The following ARSJ variants were observed in gnomAD, a reference collection of about 807,000 sequenced individuals.
ARSJ encodes the protein arylsulfatase J.
A neutral mutation model predicts 35.9 loss-of-function variants in ARSJ; 26 were observed. The observed-to-expected ratio is 0.72, with a 90% CI of 0.53 to 1.00. ARSJ has a LOEUF of 1.00. Among genes scored for constraint, ARSJ ranks in the 50% least tolerant of loss-of-function variants. The pLI, the probability that ARSJ is intolerant of heterozygous loss-of-function variation, is 0.00. For missense variants in ARSJ, 667 were observed against 723.6 expected (o/e 0.92, Z 0.90); for synonymous variants, 294 against 267.6 (o/e 1.10, Z -0.96).
intron 1 of ARSJ, among the ~76,000 whole-genome samples, chr4:113,944,616 C>T (rs1725359910): frequency 6.6e-6 from 1 of 151,990 alleles, no homozygotes; most frequent in South Asian, 2.1e-4. Flanking sequence ...AGTGTTCTAG[C>T]AGCTCTCAGG....
chr4:113,976,807 C>T lies in ARSJ; in HGVS notation c.398+1630G>A, dbSNP rs147879207. ...TTTGATTGCATTGAAATTACAGAGA[C>T]GTTAATCTTTCACCAAAGAGAAAAA... On this transcript the variant is annotated intron_variant, in intron 1 of 1. Transcript: ENST00000315366. 3.2e-3 allele frequency among the ~76,000 whole-genome samples: 483 copies of T among 152,192 alleles called. 3 individuals carry two copies. Among genetic ancestry groups the T allele is most frequent in the African/African-American group, 0.011 (465 of 41,524 alleles).
chr4:113,931,372 A>G (rs796221315), intron 1 of ARSJ, among the ~76,000 whole-genome samples: 39 of 152,172 alleles, frequency 2.6e-4, no homozygotes, highest in African/African-American at 9.4e-4. Flanking sequence ...GAAGAAGGAG[A>G]AGGAATTAAT....
chr4:113,940,874 T>C (rs184513634), intron 1 of ARSJ, among the ~76,000 whole-genome samples: 1 of 152,136 alleles, frequency 6.6e-6, no homozygotes, highest in East Asian at 1.9e-4. Context: ...TGGGCATATA[T>C]GTTAAGGCAA....
chr4:113,967,027 C>T (rs986402552), intron 1 of ARSJ, among the ~76,000 whole-genome samples: 4 of 152,076 alleles, frequency 2.6e-5, no homozygotes, highest in South Asian at 2.1e-4. Flanking sequence ...TGTCTCCCTA[C>T]GAGGCTCAGT....
In ARSJ at chr4:113,903,080, G is replaced by C. The variant is rs777072462; in HGVS notation, c.994C>G (p.Pro332Ala). 1 of 1,614,060 alleles carries C rather than the reference G, an allele frequency of 6.2e-7. No individual in the cohort carries two copies. The highest frequency in any genetic ancestry group is 8.5e-7 in the Non-Finnish European group (1 of 1,180,022). The change falls in exon 2 of 2, where the codon CCT (proline) becomes GCT (alanine). Residue 332 changes from proline to alanine, a missense_variant. Transcript: ENST00000315366. ...IIYSSDNGGQ[P>A]TAGGSNWPLR... Reference sequence around the variant, plus strand: ...GGCCAGTTACTCCCTCCTGCCGTAGGCTGGCCACCATTATCTGAAGAGTAA... The same window carrying C: ...GGCCAGTTACTCCCTCCTGCCGTAGCCTGGCCACCATTATCTGAAGAGTAA...
rs1433318897 is a variant in ARSJ at position 113,903,270 on chromosome 4, A to C, written c.804T>G (p.Val268=). ...PIFLYIAYQA[V]HSPLQAPGRY... ...TGCCAGGAGCTTGCAGTGGTGAATG[A>C]ACAGCTTGATAGGCAATATATAAAA... Residue 268 remains valine, a synonymous_variant, in exon 2 of 2, where the codon GTT becomes GTG. Transcript: ENST00000315366. 1.9e-6 allele frequency: 3 copies of C among 1,614,112 alleles called. No homozygotes were observed. The highest frequency in any genetic ancestry group is 2.5e-6 in the Non-Finnish European group (3 of 1,180,054).
intron 1 of ARSJ, chr4:113,906,838 C>T: frequency 2.4e-6 from 1 of 415,276 alleles, no homozygotes; most frequent in Non-Finnish European, 4.8e-6. Context: ...TCAGCGATAG[C>T]TTTAACAATT....
At chr4:113,925,401 G>A (rs1046113000) in intron 1 of ARSJ, among the ~76,000 whole-genome samples, 63 of 152,118 alleles carry the variant, frequency 4.1e-4, no homozygotes, top group African/African-American at 1.4e-3. Context: ...TCCTGGACCC[G>A]TGAATCCTGA....
intron 1 of ARSJ, among the ~76,000 whole-genome samples, chr4:113,957,009 G>T (rs1726223256): frequency 6.6e-6 from 1 of 152,018 alleles, no homozygotes. Flanking sequence ...ATAGGCTGTT[G>T]CAGCTGTAGC....
At chr4:113,969,230 C>G (rs1727087555) in intron 1 of ARSJ, among the ~76,000 whole-genome samples, 1 of 152,178 alleles carries the variant, frequency 6.6e-6, no homozygotes, top group South Asian at 2.1e-4. Flanking sequence ...ACAACTAAAA[C>G]AGTTTGCAAG....
At chr4:113,918,389 CTTG>C in intron 1 of ARSJ, among the ~76,000 whole-genome samples, 1 of 152,056 alleles carries the variant, frequency 6.6e-6, no homozygotes, top group East Asian at 1.9e-4. Context: ...GTGTAAAAGG[CTTG>C]TTATTACTTT....
intron 1 of ARSJ, among the ~76,000 whole-genome samples, chr4:113,914,696 A>T (rs920623566): frequency 2.6e-5 from 4 of 152,224 alleles, no homozygotes; most frequent in African/African-American, 9.6e-5. Flanking sequence ...AGAGAAAATG[A>T]GGCAGTCTCC....
chr4:113,952,454 T>C (rs1053733032), intron 1 of ARSJ, among the ~76,000 whole-genome samples: 1 of 152,118 alleles, frequency 6.6e-6, no homozygotes, highest in Non-Finnish European at 1.5e-5. Flanking sequence ...TTATGAGTCT[T>C]CAATGAATGC....
chr4:113,955,825 C>A (rs17677515), intron 1 of ARSJ, among the ~76,000 whole-genome samples: 48,350 of 151,850 alleles, frequency 0.32, 7,843 homozygotes, highest in Admixed American at 0.36. Flanking sequence ...CCTTGTGGTG[C>A]CTCTCTGAAA....
At chr4:113,944,538 T>C (rs1725354070) in intron 1 of ARSJ, among the ~76,000 whole-genome samples, 1 of 152,032 alleles carries the variant, frequency 6.6e-6, no homozygotes, top group Non-Finnish European at 1.5e-5. Context: ...CGAGAACATA[T>C]TGTCGAAGAT....
intron 1 of ARSJ, among the ~76,000 whole-genome samples, chr4:113,961,457 G>A (rs1726533142): frequency 6.6e-6 from 1 of 152,040 alleles, no homozygotes; most frequent in African/African-American, 2.4e-5. Context: ...GGTAACTAAG[G>A]TGAATGCATT....
intron 1 of ARSJ, among the ~76,000 whole-genome samples, chr4:113,976,846 C>A (rs1304347811): frequency 2.0e-5 from 3 of 152,136 alleles, no homozygotes; most frequent in Non-Finnish European, 4.4e-5. Context: ...GGAAATATTT[C>A]CAGCTTAGTT....
intron 1 of ARSJ, among the ~76,000 whole-genome samples, chr4:113,956,779 C>T (rs1242690687): frequency 6.6e-6 from 1 of 151,976 alleles, no homozygotes; most frequent in Non-Finnish European, 1.5e-5. Context: ...AAGTAGATCA[C>T]AGGGTACTTG....
chr4:113,961,895 CTCTGTGTGTGTGTGTGTGTGTG>C (rs1348769368), intron 1 of ARSJ, among the ~76,000 whole-genome samples: 1,236 of 122,090 alleles, frequency 0.01, 13 homozygotes, highest in African/African-American at 0.038. Context: ...CTCTCTCTCT[CTCTGTGTGTGTGTGTGTGTGTG>C]TGTGTGTGTG....
Sources: allele counts gnomAD v4.1 joint callset (sites outside exome capture counted in the v4.1 genomes callset), GRCh38; gene constraint gnomAD v4.1.1; transcripts MANE v1.5; gene names NCBI Gene and HGNC (gene_info 2026-07-23, HGNC 2026-07-21).